Variants in NAP1L4 observed in about 807,000 individuals in gnomAD.
The protein encoded by NAP1L4 is nucleosome assembly protein 1-like 4.
Under a neutral mutation model 58.2 loss-of-function variants are expected in NAP1L4, and 15 were observed. That is an observed-to-expected ratio of 0.26 (90% CI 0.17 to 0.40). The LOEUF is 0.40. Among genes scored for constraint, NAP1L4 ranks in the 10% least tolerant of loss-of-function variants. NAP1L4 has a pLI of 1.00. For synonymous variants in NAP1L4, 171 were observed against 155.6 expected (o/e 1.10, Z -0.74); for missense variants, 384 against 451.1 (o/e 0.85, Z 1.35).
In NAP1L4 at chr11:2,972,260, G is replaced by A. The variant is rs1461594500; in HGVS notation, c.174-17C>T. Reference sequence around the variant, plus strand: ...TTAGGTAAACTAAAAAAGGGAGTAAGAAATACAACATCCTCATGCCTGCAA... The same window carrying A: ...TTAGGTAAACTAAAAAAGGGAGTAAAAAATACAACATCCTCATGCCTGCAA... On this transcript the variant is annotated splice_polypyrimidine_tract_variant and intron_variant, in intron 4 of 15. Transcript: ENST00000380542. 1 of 1,588,684 alleles carries A rather than the reference G, an allele frequency of 6.3e-7. No individual in the cohort carries two copies. Among genetic ancestry groups the A allele is most frequent in the South Asian group, 1.2e-5 (1 of 86,078 alleles).
At chr11:2,975,800 C>T (rs2133986016) in intron 4 of NAP1L4, among the ~76,000 whole-genome samples, 1 of 152,204 alleles carries the variant, frequency 6.6e-6, no homozygotes, top group South Asian at 2.1e-4. Flanking sequence ...CTGTGCACTT[C>T]CTATCAGAAC....
At chr11:2,977,533 A>G (rs1344627482) in intron 3 of NAP1L4, among the ~76,000 whole-genome samples, 1 of 152,222 alleles carries the variant, frequency 6.6e-6, no homozygotes, top group Non-Finnish European at 1.5e-5. Flanking sequence ...AAAGGTAGGG[A>G]GATGACTCTA....
At chr11:2,974,722 C>A (rs1392176657) in intron 4 of NAP1L4, among the ~76,000 whole-genome samples, 1 of 152,206 alleles carries the variant, frequency 6.6e-6, no homozygotes, top group South Asian at 2.1e-4. Context: ...ATGGCAAATC[C>A]CTGTCTCTAC....
At position 2,945,661 on chromosome 11, in the gene NAP1L4, G is replaced by C. The variant is rs1845902593; in HGVS notation, c.*33-15C>G. 2 of 1,535,698 alleles carry C rather than the reference G, an allele frequency of 1.3e-6. No individual in the cohort carries two copies. Among genetic ancestry groups the C allele is most frequent in the Non-Finnish European group, 1.7e-6 (2 of 1,146,632 alleles). ...CTGGGTTCCTTCTGTCAATGAAAAAGACAAGGCTTGTAGAGAGCAAAGCCA... is the reference window on the plus strand; with the variant it reads ...CTGGGTTCCTTCTGTCAATGAAAAACACAAGGCTTGTAGAGAGCAAAGCCA... On this transcript the variant is annotated splice_polypyrimidine_tract_variant and intron_variant, in intron 15 of 15. Coordinates refer to ENST00000380542, the MANE Select transcript of NAP1L4 (RefSeq NM_005969.4).
intron 4 of NAP1L4, 149 bp from the exon 5 acceptor site, chr11:2,972,392 C>A: frequency 1.8e-6 from 1 of 543,996 alleles, no homozygotes; most frequent in Non-Finnish European, 2.9e-6. Flanking sequence ...AAGGACAATA[C>A]CCCAACAGGA....
At chr11:2,953,075 G>A (rs998905786) in intron 12 of NAP1L4, among the ~76,000 whole-genome samples, 3 of 152,238 alleles carry the variant, frequency 2.0e-5, no homozygotes, top group African/African-American at 7.2e-5. Context: ...TGAAGCTCAA[G>A]GAGGTGGTGG....
At chr11:2,987,474 G>A (rs1444708748) in intron 1 of NAP1L4, among the ~76,000 whole-genome samples, 1 of 151,010 alleles carries the variant, frequency 6.6e-6, no homozygotes, top group Non-Finnish European at 1.5e-5. Context: ...GCAATGAATA[G>A]GCTGGGCACG....
intron 12 of NAP1L4, among the ~76,000 whole-genome samples, chr11:2,953,334 G>T (rs974456661): frequency 2.0e-5 from 3 of 152,248 alleles, no homozygotes; most frequent in African/African-American, 7.2e-5. Context: ...AACAGTTTCA[G>T]ATAAGCTTTC....
chr11:2,951,478 G>A lies in NAP1L4; in HGVS notation c.1066-163C>T, dbSNP rs983441204. Among the ~76,000 whole-genome samples the A allele has an allele frequency of 6.6e-6, 1 of 152,060 alleles. No individual in the cohort carries two copies. The highest frequency in any genetic ancestry group is 2.4e-5 in the African/African-American group (1 of 41,388). On this transcript the variant is annotated intron_variant, in intron 13 of 15. Coordinates refer to ENST00000380542, the MANE Select transcript of NAP1L4 (RefSeq NM_005969.4). This position sits in a 1 kb window ranked among gnomAD's most constrained non-coding sequence, Gnocchi z 4.0. ...CTTTGGACACTTAGAATTATTTCTA[G>A]GTATCTTTTTGTTCTCACAGAGAGC...
Position 2,951,176 on chromosome 11 carries a change from T to C in NAP1L4, c.1122+83A>G, listed in dbSNP as rs1846204701. 1 of 1,048,196 alleles carries C rather than the reference T, an allele frequency of 9.5e-7. No individual in the cohort carries two copies. Among genetic ancestry groups the C allele is most frequent in the Non-Finnish European group, 1.5e-6 (1 of 679,460 alleles). The allele number at this position is 1,048,196 out of a possible 1,614,324, so 64.9% of individuals were successfully genotyped here. ...AGGGAATAATGAATATTGTTAACAC[T>C]ACTGCCTCAAAGTGGGGAACATTTT... On this transcript the variant is annotated intron_variant, in intron 14 of 15. Transcript: ENST00000380542. This position sits in a 1 kb window ranked among gnomAD's most constrained non-coding sequence, Gnocchi z 4.0.
intron 14 of NAP1L4, among the ~76,000 whole-genome samples, chr11:2,950,195 A>G (rs571298905): frequency 1.2e-4 from 18 of 152,380 alleles, no homozygotes; most frequent in Admixed American, 1.2e-3. Context: ...GCGCACAGGT[A>G]CGCTTTCAGC....
In NAP1L4 at chr11:2,987,907, T is replaced by G. The variant is rs370632105; in HGVS notation, c.-18+4347A>C. On this transcript the variant is annotated intron_variant, in intron 1 of 15. Transcript: ENST00000380542. ...GGATGAGACTGGTTGCCAAGAAATC[T>G]TTGCTTAACTCACTGCTACCAAATG... Among the ~76,000 whole-genome samples the G allele has an allele frequency of 5.9e-5, 9 of 152,256 alleles. 1 individual carries two copies. In the East Asian group the frequency reaches 1.7e-3, roughly 29 times the overall value.
intron 1 of NAP1L4, chr11:2,991,998 C>G (rs892764881): frequency 2.0e-5 from 3 of 152,000 alleles, no homozygotes. Flanking sequence ...GGCAGCCGGG[C>G]GAGGCGCGCC....
intron 10 of NAP1L4, among the ~76,000 whole-genome samples, chr11:2,957,902 A>T (rs1846637790): frequency 6.6e-6 from 1 of 152,270 alleles, no homozygotes; most frequent in African/African-American, 2.4e-5. Context: ...GGGACTAAGC[A>T]GATGATCCAA....
In NAP1L4 at chr11:2,955,792, T is replaced by C. The variant is rs188086549; in HGVS notation, c.893-26A>G. On this transcript the variant is annotated intron_variant, in intron 10 of 15. Coordinates refer to ENST00000380542, the MANE Select transcript of NAP1L4 (RefSeq NM_005969.4). This position sits in a 1 kb window ranked among gnomAD's most constrained non-coding sequence, Gnocchi z 4.2. The stretch of plus-strand genomic sequence containing the variant: ...CTAGAAAAAGAAAAGACAAAACATA[T>C]TTAAATTACAGTGACAACTCCCAGA... 1 of 1,609,198 alleles carries C rather than the reference T, an allele frequency of 6.2e-7. No homozygotes were observed. Among genetic ancestry groups the C allele is most frequent in the Non-Finnish European group, 8.5e-7 (1 of 1,176,770 alleles).
intron 1 of NAP1L4, among the ~76,000 whole-genome samples, chr11:2,982,256 C>T (rs7113131): frequency 0.84 from 127,476 of 152,272 alleles, 53,821 homozygotes; most frequent in African/African-American, 0.94. Flanking sequence ...ACTGCCAAAA[C>T]AGTTACACAA....
chr11:2,949,351 TC>T lies in NAP1L4; in HGVS notation c.1123-88del. ...TATACAGGAGGAAACGGCCACAATT[TC>T]TCATGATACAAAAGGGCTGCAAGAT... is the stretch of plus-strand genomic sequence containing the variant. On this transcript the variant is annotated intron_variant, in intron 14 of 15. Coordinates refer to ENST00000380542, the MANE Select transcript of NAP1L4 (RefSeq NM_005969.4). This position sits in a 1 kb window ranked among gnomAD's most constrained non-coding sequence, Gnocchi z 4.0. 1 of 1,095,476 alleles carries T rather than the reference TC, an allele frequency of 9.1e-7. No individual in the cohort carries two copies. The highest frequency in any genetic ancestry group is 1.3e-5 in the South Asian group (1 of 79,242). The allele number at this position is 1,095,476 out of a possible 1,614,324, so 67.9% of individuals were successfully genotyped here. A position where few individuals can be genotyped will look rare whatever the true frequency, so the allele number is the denominator to read the frequency against.
At chr11:2,972,362 G>C (rs942208988) in intron 4 of NAP1L4, 119 bp from the exon 5 acceptor site, 53 of 820,490 alleles carry the variant, frequency 6.5e-5, no homozygotes, top group Non-Finnish European at 8.4e-5. Context: ...CTATGAACAA[G>C]ACCTCTTAAA....
At chr11:2,966,099 T>C (rs1412730166) in intron 7 of NAP1L4, among the ~76,000 whole-genome samples, 5 of 152,348 alleles carry the variant, frequency 3.3e-5, no homozygotes, top group Non-Finnish European at 1.5e-5. Context: ...GGCAGTCACT[T>C]CTTTACCCCC....
Sources: gnomAD v4.1 joint callset for allele counts (sites outside exome capture counted in the v4.1 genomes callset) on GRCh38, gnomAD v4.1.1 for gene constraint, Gnocchi (gnomAD v3.1) non-coding constraint, MANE v1.5 for transcripts, NCBI Gene and HGNC (gene_info 2026-07-23, HGNC 2026-07-21) for gene names.